NTRK3: variants seen among roughly 807,000 people sequenced by gnomAD.
NTRK3 encodes neurotrophic receptor tyrosine kinase 3.
In NTRK3, 24 loss-of-function variants were observed where a neutral mutation model predicts 91.7. The ratio of observed to expected loss-of-function variants is 0.26; its 90% confidence interval spans 0.19 to 0.37. The LOEUF (loss-of-function observed/expected upper bound fraction) is 0.37. NTRK3 is among the 10% of genes least tolerant of loss of function. The probability of loss-of-function intolerance (pLI) is 1.00; values close to 1 mark genes in which losing one functional copy is unlikely to be tolerated. For missense variants in NTRK3, 880 were observed against 1,068.9 expected (o/e 0.82, Z 2.46); for synonymous variants, 483 against 404.0 (o/e 1.20, Z -2.34).
intron 17 of NTRK3, among the ~76,000 whole-genome samples, chr15:87,910,703 G>A (rs544200206): frequency 6.6e-6 from 1 of 151,596 alleles, no homozygotes; most frequent in South Asian, 2.1e-4. Context: ...AGGAAGGAGA[G>A]AAACCAATGG....
chr15:88,242,275 G>A (rs540527767), intron 3 of NTRK3, among the ~76,000 whole-genome samples: 7 of 152,274 alleles, frequency 4.6e-5, no homozygotes, highest in African/African-American at 1.7e-4. Flanking sequence ...TGGGGCCTCT[G>A]TGAGCAACAG....
At chr15:87,982,566 G>C (rs1297756898) in intron 14 of NTRK3, among the ~76,000 whole-genome samples, 5 of 152,178 alleles carry the variant, frequency 3.3e-5, no homozygotes, top group African/African-American at 1.2e-4. Flanking sequence ...GATCTTCTAA[G>C]AATACTTTCC....
intron 3 of NTRK3, chr15:88,253,124 G>C (rs1039193784): frequency 6.6e-6 from 1 of 152,316 alleles, no homozygotes; most frequent in African/African-American, 2.4e-5. Flanking sequence ...TCTACCCAGA[G>C]TGTGCCCAAG....
chr15:88,025,816 A>C (rs1019381361), intron 14 of NTRK3, among the ~76,000 whole-genome samples: 1 of 152,212 alleles, frequency 6.6e-6, no homozygotes, highest in Non-Finnish European at 1.5e-5. Context: ...GAGGAAATAA[A>C]AACTGTAATA....
At chr15:88,017,302 C>T (rs1221095766) in intron 14 of NTRK3, among the ~76,000 whole-genome samples, 2 of 152,128 alleles carry the variant, frequency 1.3e-5, no homozygotes, top group African/African-American at 4.8e-5. Context: ...GACCAGGAAC[C>T]CTTCATACAG....
chr15:88,037,156 A>C (rs957514729), intron 13 of NTRK3, among the ~76,000 whole-genome samples: 1 of 152,236 alleles, frequency 6.6e-6, no homozygotes, highest in Non-Finnish European at 1.5e-5. Context: ...AAAGCCAGAC[A>C]TCAGAGCCCT....
rs1016724907 is a variant in NTRK3, at chr15:88,243,226, C to T, written c.248+12680G>A. Reference sequence around the variant, plus strand: ...CCCTCCCCACTTCTTATGTTATTTCCCTCTCTGTGTCTTATCGCCACATTT... The same window carrying T: ...CCCTCCCCACTTCTTATGTTATTTCTCTCTCTGTGTCTTATCGCCACATTT... On this transcript the variant is annotated intron_variant, in intron 3 of 18. Transcript: ENST00000394480. This position sits in a 1 kb window ranked among gnomAD's most constrained non-coding sequence, Gnocchi z 4.8. Among the ~76,000 whole-genome samples, 8 of 152,148 alleles carry T rather than the reference C, an allele frequency of 5.3e-5. No homozygotes were observed. The highest frequency in any genetic ancestry group is 1.9e-4 in the African/African-American group (8 of 41,428).
chr15:87,921,131 T>C (rs997243100), intron 17 of NTRK3, among the ~76,000 whole-genome samples: 2 of 152,164 alleles, frequency 1.3e-5, no homozygotes, highest in East Asian at 3.8e-4. Flanking sequence ...AAAATTTTAT[T>C]ATAAAAATTT....
intron 13 of NTRK3, among the ~76,000 whole-genome samples, chr15:88,039,593 T>A (rs1301461581): frequency 6.6e-6 from 1 of 152,202 alleles, no homozygotes; most frequent in Non-Finnish European, 1.5e-5. Context: ...ATGGCTCCAA[T>A]TCCATAAATG....
At chr15:88,251,937 G>C (rs1037076229) in intron 3 of NTRK3, among the ~76,000 whole-genome samples, 13 of 152,272 alleles carry the variant, frequency 8.5e-5, no homozygotes, top group African/African-American at 3.1e-4. Flanking sequence ...GAGGTGCAGA[G>C]CAGATGCCCT....
intron 13 of NTRK3, among the ~76,000 whole-genome samples, chr15:88,047,281 A>C (rs2080308778): frequency 6.6e-6 from 1 of 152,270 alleles, no homozygotes; most frequent in East Asian, 1.9e-4. Flanking sequence ...CCATCTCACC[A>C]GATAAAATAT....
intron 13 of NTRK3, among the ~76,000 whole-genome samples, chr15:88,097,605 C>T (rs1009506790): frequency 6.6e-6 from 1 of 152,192 alleles, no homozygotes; most frequent in Non-Finnish European, 1.5e-5. Context: ...CAAAGATGTT[C>T]ACCTCATTGT....
chr15:88,061,359 G>A (rs1042252424), intron 13 of NTRK3, among the ~76,000 whole-genome samples: 11 of 152,330 alleles, frequency 7.2e-5, no homozygotes, highest in East Asian at 1.9e-4. Context: ...CCTCACTCCC[G>A]CCACTAAATG....
At chr15:88,045,717 C>G (rs544553652) in intron 13 of NTRK3, among the ~76,000 whole-genome samples, 1 of 152,348 alleles carries the variant, frequency 6.6e-6, no homozygotes, top group African/African-American at 2.4e-5. Flanking sequence ...TTGCCTCCAC[C>G]AAGCTTCTGT....
chr15:88,147,348 T>C (rs750731292), exon 6 of NTRK3: 1 of 1,613,670 alleles, frequency 6.2e-7, no homozygotes, highest in Admixed American at 1.7e-5. Flanking sequence ...TCCCGAAGAC[T>C]CAGCGTCTGG....
intron 14 of NTRK3, among the ~76,000 whole-genome samples, chr15:88,018,723 T>C (rs181653468): frequency 5.9e-5 from 9 of 152,246 alleles, no homozygotes; most frequent in Admixed American, 5.9e-4. Context: ...GGGAAAGTAA[T>C]AGAAGCTACC....
At chr15:87,988,014 G>C (rs1309198635) in intron 14 of NTRK3, among the ~76,000 whole-genome samples, 2 of 152,134 alleles carry the variant, frequency 1.3e-5, no homozygotes, top group Non-Finnish European at 2.9e-5. Flanking sequence ...CCCACCCCTT[G>C]AGTGTACACT....
intron 14 of NTRK3, among the ~76,000 whole-genome samples, chr15:87,956,301 G>A (rs1173016298): frequency 1.3e-5 from 2 of 152,172 alleles, no homozygotes; most frequent in Non-Finnish European, 2.9e-5. Flanking sequence ...GTTTGAGACA[G>A]AGTCACTCTG....
intron 5 of NTRK3, among the ~76,000 whole-genome samples, chr15:88,159,358 G>A (rs972606927): frequency 6.6e-6 from 1 of 152,212 alleles, no homozygotes; most frequent in African/African-American, 2.4e-5. Context: ...GTGGATTTGA[G>A]AAAGCATTGA....
Sources: allele counts gnomAD v4.1 joint callset (sites outside exome capture counted in the v4.1 genomes callset), GRCh38; gene constraint gnomAD v4.1.1; non-coding constraint Gnocchi (gnomAD v3.1); transcripts MANE v1.5; gene names NCBI Gene and HGNC (gene_info 2026-07-23, HGNC 2026-07-21).